BRINP1: variants seen among roughly 807,000 people sequenced by gnomAD.
BRINP1 encodes BMP/retinoic acid-inducible neural-specific protein 1.
BRINP1 carries 17 observed loss-of-function variants against 72.9 expected under a neutral mutation model. The ratio of observed to expected loss-of-function variants is 0.23; its 90% CI spans 0.16 to 0.35. The LOEUF is 0.35. BRINP1 is among the 10% of genes least tolerant of loss of function. The pLI, the probability that BRINP1 is intolerant of heterozygous loss-of-function variation, is 1.00. For synonymous variants in BRINP1, 418 were observed against 378.5 expected, an observed-to-expected ratio of 1.10 and a Z score of -1.21; for missense variants, 850 against 1,001.6, an observed-to-expected ratio of 0.85 and a Z score of 2.04.
At chr9:119,306,183 A>G (rs771137984) in intron 2 of BRINP1, among the ~76,000 whole-genome samples, 2 of 152,182 alleles carry the variant, frequency 1.3e-5, no homozygotes, top group African/African-American at 2.4e-5. Flanking sequence ...ATGGTTTGTA[A>G]CTCACAGAAG....
chr9:119,175,308 G>C (rs1438905608), intron 7 of BRINP1, among the ~76,000 whole-genome samples: 2 of 151,934 alleles, frequency 1.3e-5, no homozygotes, highest in African/African-American at 4.8e-5. Flanking sequence ...ACTAGTAAGT[G>C]GGAGTTGAAC....
At chr9:119,269,182 G>C (rs1830582434) in intron 2 of BRINP1, among the ~76,000 whole-genome samples, 1 of 152,028 alleles carries the variant, frequency 6.6e-6, no homozygotes, top group Admixed American at 6.5e-5. Context: ...CTCCCTCCTT[G>C]GCACTCCCAA....
At chr9:119,341,852 C>T (rs1399856150) in intron 1 of BRINP1, among the ~76,000 whole-genome samples, 1 of 152,092 alleles carries the variant, frequency 6.6e-6, no homozygotes, top group Non-Finnish European at 1.5e-5. Context: ...CAACCTCTGC[C>T]TCCCAGGTTC....
intron 2 of BRINP1, among the ~76,000 whole-genome samples, chr9:119,272,378 C>A (rs60132674): frequency 6.6e-6 from 1 of 152,114 alleles, no homozygotes; most frequent in South Asian, 2.1e-4. Context: ...CCACTGCGCC[C>A]GGCAGGAAAT....
intron 7 of BRINP1, among the ~76,000 whole-genome samples, chr9:119,195,005 A>G (rs1418681836): frequency 1.3e-5 from 2 of 152,260 alleles, no homozygotes; most frequent in African/African-American, 4.8e-5. Flanking sequence ...TAAGAAAATG[A>G]TAAGAATAGA....
chr9:119,176,340 A>T (rs1253643064), intron 7 of BRINP1, among the ~76,000 whole-genome samples: 1 of 152,154 alleles, frequency 6.6e-6, no homozygotes, highest in Non-Finnish European at 1.5e-5. Flanking sequence ...TCATTTTATA[A>T]AACTAGAAAC....
At chr9:119,267,700 T>G (rs1385899415) in intron 2 of BRINP1, among the ~76,000 whole-genome samples, 1 of 151,954 alleles carries the variant, frequency 6.6e-6, no homozygotes, top group African/African-American at 2.4e-5. Flanking sequence ...GCTGGGGACA[T>G]AGGTCTGGAG....
intron 2 of BRINP1, among the ~76,000 whole-genome samples, chr9:119,265,302 T>C (rs920089039): frequency 1.3e-5 from 2 of 152,028 alleles, no homozygotes; most frequent in Non-Finnish European, 2.9e-5. Flanking sequence ...AGGGTTTGCA[T>C]ATAATCAGTC....
chr9:119,200,146 G>A (rs1829789776), intron 7 of BRINP1, among the ~76,000 whole-genome samples: 1 of 152,196 alleles, frequency 6.6e-6, no homozygotes, highest in African/African-American at 2.4e-5. Flanking sequence ...TGCATTTGTG[G>A]CATATTCGGA....
At chr9:119,313,520 CAT>C in intron 1 of BRINP1, 115 bp from the exon 2 acceptor site, 1 of 897,336 alleles carries the variant, frequency 1.1e-6, no homozygotes, top group Non-Finnish European at 1.6e-6. Flanking sequence ...GTGATTAACA[CAT>C]CTTCATAATA....
intron 2 of BRINP1, among the ~76,000 whole-genome samples, chr9:119,271,388 A>C (rs74926818): frequency 6.6e-6 from 1 of 152,184 alleles, no homozygotes; most frequent in South Asian, 2.1e-4. Context: ...AATGATGAAA[A>C]AATTTTAGAG....
At chr9:119,184,960 G>A (rs1829600377) in intron 7 of BRINP1, among the ~76,000 whole-genome samples, 2 of 152,088 alleles carry the variant, frequency 1.3e-5, no homozygotes, top group Admixed American at 1.3e-4. Context: ...TTGCACACTG[G>A]CTCTAAACTG....
chr9:119,313,520 C>A (rs1831091210), intron 1 of BRINP1, 115 bp from the exon 2 acceptor site: 3 of 897,218 alleles, frequency 3.3e-6, no homozygotes, highest in Non-Finnish European at 4.9e-6. Flanking sequence ...GTGATTAACA[C>A]ATCTTCATAA....
chr9:119,257,894 T>A (rs923825013), intron 2 of BRINP1, among the ~76,000 whole-genome samples: 2 of 151,948 alleles, frequency 1.3e-5, no homozygotes, highest in Non-Finnish European at 2.9e-5. Context: ...TCATGTCCCA[T>A]AACACAACTG....
intron 5 of BRINP1, among the ~76,000 whole-genome samples, chr9:119,220,414 G>A (rs535722116): frequency 6.6e-6 from 1 of 152,252 alleles, no homozygotes; most frequent in South Asian, 2.1e-4. Flanking sequence ...ATCAACAGAA[G>A]CTGAAGGTGA....
At position 119,167,125 on chromosome 9, in the gene BRINP1, T is replaced by G. The variant is rs746279119; in HGVS notation, c.2245A>C (p.Ile749Leu). The G allele has an allele frequency of 6.8e-6, 11 of 1,613,016 alleles. No homozygotes were observed. Among genetic ancestry groups the G allele is most frequent in the Non-Finnish European group, 7.6e-6 (9 of 1,179,434 alleles). ...NHALDLYNTEILKQSDQMTAK... is the reference protein window; with the variant it reads ...NHALDLYNTELLKQSDQMTAK... ...GTCATCTGGTCCGACTGTTTGAGGATCTCCGTGTTGTACAGGTCCAAGGCG... is the reference window on the plus strand; with the variant it reads ...GTCATCTGGTCCGACTGTTTGAGGAGCTCCGTGTTGTACAGGTCCAAGGCG... Residue 749 changes from isoleucine (I) to leucine (L), a missense_variant, in exon 8 of 8, where the codon ATC (isoleucine) becomes CTC (leucine). Coordinates refer to ENST00000265922, the MANE Select transcript of BRINP1 (RefSeq NM_014618.3). The surrounding 1 kb of genome is among the most constrained non-coding windows in gnomAD (Gnocchi z 4.3).
chr9:119,338,278 CTT>C (rs755641554), intron 1 of BRINP1, among the ~76,000 whole-genome samples: 2 of 134,054 alleles, frequency 1.5e-5, no homozygotes, highest in African/African-American at 2.7e-5. Context: ...TTAGATTGGG[CTT>C]TTTTTTTTTT....
intron 2 of BRINP1, among the ~76,000 whole-genome samples, chr9:119,259,118 A>C (rs1830473892): frequency 1.3e-5 from 2 of 152,164 alleles, no homozygotes; most frequent in East Asian, 1.9e-4. Flanking sequence ...GAGCACCTGG[A>C]AAGAGGATGC....
At chr9:119,206,815 A>C (rs1055293565) in intron 7 of BRINP1, among the ~76,000 whole-genome samples, 1 of 152,158 alleles carries the variant, frequency 6.6e-6, no homozygotes. Context: ...GATGGATCTA[A>C]AAGGAAGCTT....
Sources: allele counts gnomAD v4.1 joint callset (sites outside exome capture counted in the v4.1 genomes callset), GRCh38; gene constraint gnomAD v4.1.1; non-coding constraint Gnocchi (gnomAD v3.1); transcripts MANE v1.5; gene names NCBI Gene and HGNC (gene_info 2026-07-23, HGNC 2026-07-21).